ARB2A: variants seen among roughly 807,000 people sequenced by gnomAD.
The protein encoded by ARB2A is cotranscriptional regulator ARB2A.
At chr5:93,668,931 C>T in the ARB2A span, among the ~76,000 whole-genome samples, 1 of 152,160 alleles carries the variant, frequency 6.6e-6, no homozygotes. Flanking sequence ...ATGGGGAAAA[C>T]TGGATTGGCC....
At chr5:94,071,257 T>C in the ARB2A span, among the ~76,000 whole-genome samples, 2 of 152,012 alleles carry the variant, frequency 1.3e-5, no homozygotes, top group Non-Finnish European at 2.9e-5. Context: ...TGAAAATAGA[T>C]CATTAATTTA....
the ARB2A span, among the ~76,000 whole-genome samples, chr5:93,982,491 G>A: frequency 4.6e-5 from 7 of 152,138 alleles, no homozygotes; most frequent in African/African-American, 1.4e-4. Context: ...ACAGATCTTG[G>A]GGTGGGGCAG....
the ARB2A span, among the ~76,000 whole-genome samples, chr5:93,690,390 A>T: frequency 2.0e-5 from 3 of 152,090 alleles, no homozygotes; most frequent in African/African-American, 7.2e-5. Flanking sequence ...GCCATTACTG[A>T]GGCTTGAGTA....
the ARB2A span, among the ~76,000 whole-genome samples, chr5:93,932,351 G>A: frequency 6.6e-6 from 1 of 152,124 alleles, no homozygotes; most frequent in African/African-American, 2.4e-5. Flanking sequence ...TTAGATAGAC[G>A]GAAAGCAATT....
At chr5:93,766,588 G>T in the ARB2A span, among the ~76,000 whole-genome samples, 4 of 152,268 alleles carry the variant, frequency 2.6e-5, no homozygotes, top group South Asian at 4.2e-4. Context: ...TACACTGTTG[G>T]TGGGACTGTA....
the ARB2A span, among the ~76,000 whole-genome samples, chr5:94,000,388 T>A: frequency 6.6e-6 from 1 of 152,144 alleles, no homozygotes; most frequent in Non-Finnish European, 1.5e-5. Context: ...CATTGTTGTT[T>A]TAATTTGCAT....
the ARB2A span, chr5:93,740,005 A>G: frequency 6.6e-6 from 1 of 151,868 alleles, no homozygotes; most frequent in Non-Finnish European, 1.5e-5. Context: ...AGAAAAAAAA[A>G]AAAAAAAAAA....
chr5:94,076,079 AT>A, the ARB2A span, among the ~76,000 whole-genome samples: 1 of 152,052 alleles, frequency 6.6e-6, no homozygotes, highest in Non-Finnish European at 1.5e-5. Flanking sequence ...ATGTTAGCTT[AT>A]TTTTTTTAAT....
the ARB2A span, among the ~76,000 whole-genome samples, chr5:94,080,119 A>G: frequency 6.6e-6 from 1 of 152,146 alleles, no homozygotes; most frequent in African/African-American, 2.4e-5. Context: ...ATATGGGAAA[A>G]CTATGGCCAA....
chr5:93,703,419 A>G, the ARB2A span, among the ~76,000 whole-genome samples: 1 of 152,262 alleles, frequency 6.6e-6, no homozygotes, highest in African/African-American at 2.4e-5. Context: ...TTGGGAGCAA[A>G]TAAGATGCAC....
At chr5:93,833,177 T>A in the ARB2A span, among the ~76,000 whole-genome samples, 1 of 151,714 alleles carries the variant, frequency 6.6e-6, no homozygotes, top group Non-Finnish European at 1.5e-5. Flanking sequence ...TATAACCAAC[T>A]TGAAAGTAGA....
chr5:93,740,909 G>A, the ARB2A span: 3 of 1,613,820 alleles, frequency 1.9e-6, no homozygotes, highest in East Asian at 2.2e-5. Flanking sequence ...CCGATTCGTC[G>A]CTCTCTGCTT....
the ARB2A span, chr5:93,784,624 A>C: frequency 1.5e-6 from 1 of 649,044 alleles, no homozygotes; most frequent in Non-Finnish European, 2.6e-6. Context: ...TCTCTGGTTC[A>C]AAGTTACTCT....
chr5:94,097,068 C>T, the ARB2A span, among the ~76,000 whole-genome samples: 2 of 152,142 alleles, frequency 1.3e-5, no homozygotes, highest in African/African-American at 2.4e-5. Context: ...GGCTCTGGTG[C>T]GGAAACGGCT....
chr5:93,717,301 T>C, the ARB2A span, among the ~76,000 whole-genome samples: 2 of 152,248 alleles, frequency 1.3e-5, no homozygotes, highest in East Asian at 3.9e-4. Context: ...GAGAATGAGG[T>C]AGGAGTGGTC....
the ARB2A span, among the ~76,000 whole-genome samples, chr5:93,665,342 A>G: frequency 6.6e-6 from 1 of 152,234 alleles, no homozygotes; most frequent in Non-Finnish European, 1.5e-5. Flanking sequence ...TGTAGCTTAT[A>G]TAACTATTTC....
At chr5:93,949,320 T>C in the ARB2A span, among the ~76,000 whole-genome samples, 1 of 151,884 alleles carries the variant, frequency 6.6e-6, no homozygotes, top group South Asian at 2.1e-4. Context: ...CCCAGCACTT[T>C]GGGAGGCCGA....
At chr5:93,643,562 T>C in the ARB2A span, among the ~76,000 whole-genome samples, 1 of 152,188 alleles carries the variant, frequency 6.6e-6, no homozygotes, top group Admixed American at 6.5e-5. Flanking sequence ...TGGCATGATC[T>C]CAGCTCACTG....
At chr5:93,918,207 C>A in the ARB2A span, among the ~76,000 whole-genome samples, 3 of 152,108 alleles carry the variant, frequency 2.0e-5, no homozygotes, top group African/African-American at 7.2e-5. Context: ...ATCTACCTTT[C>A]CAACTTTTGT....
Sources: allele counts gnomAD v4.1 joint callset (sites outside exome capture counted in the v4.1 genomes callset), GRCh38; gene constraint gnomAD v4.1.1; transcripts MANE v1.5; gene names NCBI Gene and HGNC (gene_info 2026-07-23, HGNC 2026-07-21).